The following MAP3K13 variants were observed in gnomAD, a reference collection of about 807,000 sequenced individuals.
MAP3K13 encodes mitogen-activated protein kinase kinase kinase 13, also known as leucine zipper-bearing kinase.
In MAP3K13, 52 loss-of-function variants were observed where a neutral mutation model predicts 104.0. The ratio of observed to expected loss-of-function variants is 0.50; its 90% CI spans 0.40 to 0.63. The LOEUF (loss-of-function observed/expected upper bound fraction) is 0.63, where lower values mean the gene tolerates loss of function less well. Among genes scored for constraint, MAP3K13 ranks in the 20% least tolerant of loss-of-function variants. The probability of loss-of-function intolerance (pLI) is 0.00; values close to 1 mark genes in which losing one functional copy is unlikely to be tolerated. For missense variants in MAP3K13, 914 were observed against 1,218.5 expected, an observed-to-expected ratio of 0.75 and a Z score of 3.72; for synonymous variants, 394 against 442.2, an observed-to-expected ratio of 0.89 and a Z score of 1.37.
At chr3:185,345,441 T>C (rs1722884739) in intron 2 of MAP3K13, among the ~76,000 whole-genome samples, 1 of 152,200 alleles carries the variant, frequency 6.6e-6, no homozygotes, top group East Asian at 1.9e-4. Flanking sequence ...TATTAGGAAC[T>C]GGACTGCACA....
intron 1 of MAP3K13, among the ~76,000 whole-genome samples, chr3:185,413,934 T>C (rs1271741282): frequency 6.6e-6 from 1 of 152,226 alleles, no homozygotes; most frequent in Non-Finnish European, 1.5e-5. Context: ...TTCATACCTT[T>C]CATCCAAGTT....
At position 185,486,566 on chromosome 3, in the gene MAP3K13, G is replaced by A. The variant is rs1433742869; in HGVS notation, c.*4110G>A. Reference sequence around the variant, plus strand: ...AATCAAGAGCTCAGGGAAGTTATGAGCTAATTCTTCAGTCCTGACAAGTGT... The same window carrying A: ...AATCAAGAGCTCAGGGAAGTTATGAACTAATTCTTCAGTCCTGACAAGTGT... On this transcript the variant is annotated 3_prime_UTR_variant, in exon 14 of 14. Coordinates refer to ENST00000265026, the MANE Select transcript of MAP3K13 (RefSeq NM_004721.5). 6.6e-6 allele frequency: 1 copy of A among 152,202 alleles called. No homozygotes were observed. The highest frequency in any genetic ancestry group is 1.5e-5 in the Non-Finnish European group (1 of 68,050). The allele number at this position is 152,202 out of a possible 1,614,324, so 9.4% of individuals were successfully genotyped here.
chr3:185,448,017 C>A, intron 5 of MAP3K13, 70 bp downstream of exon 5: 1 of 1,458,828 alleles, frequency 6.9e-7, no homozygotes, highest in Non-Finnish European at 9.5e-7. Context: ...CACTGTCTTC[C>A]TTCAGCACTT....
At chr3:185,396,754 TCC>T (rs1712449108) in intron 1 of MAP3K13, among the ~76,000 whole-genome samples, 1 of 152,156 alleles carries the variant, frequency 6.6e-6, no homozygotes, top group African/African-American at 2.4e-5. Context: ...CTGACTGTGA[TCC>T]TCTTCCCTCC....
At chr3:185,472,685 T>C (rs1228267364) in intron 10 of MAP3K13, among the ~76,000 whole-genome samples, 1 of 152,198 alleles carries the variant, frequency 6.6e-6, no homozygotes, top group African/African-American at 2.4e-5. Context: ...ATAGGGGCTC[T>C]TTTCAAAGCG....
intron 2 of MAP3K13, among the ~76,000 whole-genome samples, chr3:185,349,499 C>G (rs1723061347): frequency 6.6e-6 from 1 of 152,174 alleles, no homozygotes; most frequent in Non-Finnish European, 1.5e-5. Context: ...TCTACCCAAT[C>G]TTAAGACTGT....
intron 2 of MAP3K13, among the ~76,000 whole-genome samples, chr3:185,285,805 G>T (rs547224064): frequency 6.6e-6 from 1 of 152,234 alleles, no homozygotes; most frequent in East Asian, 1.9e-4. Context: ...TGAAGCAATT[G>T]TTCTTATTTT....
chr3:185,324,485 C>T (rs1164533752), intron 2 of MAP3K13, among the ~76,000 whole-genome samples: 1 of 151,734 alleles, frequency 6.6e-6, no homozygotes, highest in Admixed American at 6.6e-5. Flanking sequence ...ATTTTAAATC[C>T]TAGTCCCTTT....
rs576695721 is a variant in MAP3K13, at chr3:185,353,373, G to A, written c.-86+67730G>A. On this transcript the variant is annotated intron_variant, in intron 2 of 14. Transcript: ENST00000424227. ...TGACAGTACAGAAAACGGAAGCGAG[G>A]GGCAGAAACAGCTGGGTTGGTTCCA... Among the ~76,000 whole-genome samples, 5 of 152,286 alleles carry A rather than the reference G, an allele frequency of 3.3e-5. No individual in the cohort carries two copies. The East Asian group carries it at 9.6e-4, about 29-fold the overall frequency.
intron 2 of MAP3K13, among the ~76,000 whole-genome samples, chr3:185,294,431 G>A (rs1169178591): frequency 6.6e-6 from 1 of 152,160 alleles, no homozygotes; most frequent in East Asian, 1.9e-4. Context: ...TATTTAAACT[G>A]TGATAGAAGG....
chr3:185,325,554 C>T (rs1722016739), intron 2 of MAP3K13, among the ~76,000 whole-genome samples: 1 of 152,130 alleles, frequency 6.6e-6, no homozygotes, highest in African/African-American at 2.4e-5. Context: ...CTCAGTGTCA[C>T]CTCAAAACTG....
intron 4 of MAP3K13, 31 bp downstream of exon 4, chr3:185,443,667 T>C (rs1200774530): frequency 6.3e-7 from 1 of 1,593,400 alleles, no homozygotes; most frequent in African/African-American, 1.3e-5. Flanking sequence ...TTCAGCTATT[T>C]TGGTTTGTTG....
Position 185,423,863 on chromosome 3 carries a change from C to G in MAP3K13, c.-85-4634C>G, listed in dbSNP as rs1223830304. Among the ~76,000 whole-genome samples the G allele has an allele frequency of 1.3e-5, 2 of 152,182 alleles. No homozygotes were observed. The highest frequency in any genetic ancestry group is 6.5e-5 in the Admixed American group (1 of 15,280). On this transcript the variant is annotated intron_variant, in intron 1 of 13. Coordinates refer to ENST00000265026, the MANE Select transcript of MAP3K13 (RefSeq NM_004721.5). The surrounding 1 kb of genome is among the most constrained non-coding windows in gnomAD (Gnocchi z 4.1). ...GCAGCCCCATCACGCACGCTCTGGT[C>G]ATTCCCGCTTCCCTGCCTCTGCCAG...
chr3:185,359,997 C>T (rs1458138281), upstream of MAP3K13, among the ~76,000 whole-genome samples: 1 of 150,236 alleles, frequency 6.7e-6, no homozygotes, highest in Non-Finnish European at 1.5e-5. Flanking sequence ...AATTATTGTA[C>T]CTTAATTTCT....
chr3:185,363,373 G>A lies in MAP3K13; in HGVS notation c.-86+5G>A. On this transcript the variant is annotated splice_donor_5th_base_variant and intron_variant, in intron 1 of 13. Coordinates refer to ENST00000265026, the MANE Select transcript of MAP3K13 (RefSeq NM_004721.5). Reference sequence around the variant, plus strand: ...GTGTAGGAATTCTTCGTTGTTGTGAGTATTGCACTCTGTTTTTCCTGTTTC... The same window carrying A: ...GTGTAGGAATTCTTCGTTGTTGTGAATATTGCACTCTGTTTTTCCTGTTTC... 1.0e-6 allele frequency: 1 copy of A among 981,856 alleles called. No homozygotes were observed. The highest frequency in any genetic ancestry group is 1.2e-6 in the Non-Finnish European group (1 of 826,674). The allele number at this position is 981,856 out of a possible 1,614,324, so 60.8% of individuals were successfully genotyped here.
rs151029526 is a variant in MAP3K13, at chr3:185,480,324, A to G, written c.2594A>G (p.Asp865Gly). The G allele has an allele frequency of 1.6e-4, 257 of 1,614,098 alleles. No individual in the cohort carries two copies. The highest frequency in any genetic ancestry group is 2.1e-4 in the Non-Finnish European group (247 of 1,180,040). The stretch of plus-strand genomic sequence containing the variant: ...GATGGAGAAGAGGGAAATACCAGTG[A>G]CCACTCAAACAGTCCTGATGAGTTA... Reference protein sequence around the residue: ...VSDGEEGNTSDHSNSPDELAD... With the variant: ...VSDGEEGNTSGHSNSPDELAD... Residue 865 changes from aspartate to glycine, a missense_variant, in exon 13 of 14, where the codon GAC (aspartate) becomes GGC (glycine). Physicochemically the swap from Asp to Gly is moderately conservative, Grantham distance 94. This residue lies in a region of MAP3K13 where 583 missense variants were observed against 737.4 expected (regional missense o/e 0.79). Transcript: ENST00000265026.
At chr3:185,439,494 G>A (rs1410746994) in intron 3 of MAP3K13, among the ~76,000 whole-genome samples, 1 of 151,966 alleles carries the variant, frequency 6.6e-6, no homozygotes, top group East Asian at 1.9e-4. Flanking sequence ...CTTCCAGTAT[G>A]CTACACCCTC....
intron 1 of MAP3K13, among the ~76,000 whole-genome samples, chr3:185,387,940 A>C (rs1711793664): frequency 6.6e-6 from 1 of 152,202 alleles, no homozygotes; most frequent in Non-Finnish European, 1.5e-5. Flanking sequence ...AAAAACTCAC[A>C]GAACTGATTA....
At chr3:185,442,484 T>G (rs1467553020) in intron 3 of MAP3K13, among the ~76,000 whole-genome samples, 13 of 152,136 alleles carry the variant, frequency 8.5e-5, no homozygotes, top group African/African-American at 2.9e-4. Flanking sequence ...TGTACACTCA[T>G]AAAACCCTCT....
Sources: allele counts gnomAD v4.1 joint callset (sites outside exome capture counted in the v4.1 genomes callset), GRCh38; gene constraint gnomAD v4.1.1; regional missense constraint gnomAD v4.1.1; non-coding constraint Gnocchi (gnomAD v3.1); transcripts MANE v1.5; gene names NCBI Gene and HGNC (gene_info 2026-07-23, HGNC 2026-07-21).